The following HHAT variants were observed in gnomAD, a reference collection of about 807,000 sequenced individuals.
HHAT encodes hedgehog acyltransferase.
HHAT carries 47 observed loss-of-function variants against 70.8 expected under a neutral mutation model. The observed-to-expected ratio is 0.66, with a 90% confidence interval of 0.53 to 0.85. HHAT has a LOEUF of 0.85. Among genes scored for constraint, HHAT ranks in the 40% least tolerant of loss-of-function variants. The probability of loss-of-function intolerance (pLI) is 0.00; values close to 1 mark genes in which losing one functional copy is unlikely to be tolerated. For missense variants in HHAT, 609 were observed against 604.8 expected (o/e 1.01, Z -0.07); for synonymous variants, 228 against 247.6 (o/e 0.92, Z 0.74).
intron 8 of HHAT, among the ~76,000 whole-genome samples, chr1:210,504,851 A>T (rs1203342300): frequency 6.6e-6 from 1 of 151,710 alleles, no homozygotes; most frequent in Non-Finnish European, 1.5e-5. Context: ...CTAAGTGTCT[A>T]AGTTTATTTT....
chr1:210,541,725 TCAAAAAACAAA>T (rs1343505708), intron 9 of HHAT, among the ~76,000 whole-genome samples: 3 of 152,050 alleles, frequency 2.0e-5, no homozygotes, highest in Non-Finnish European at 2.9e-5. Flanking sequence ...AGACTCCATC[TCAAAAAACAAA>T]CAAAAAACAA....
chr1:210,665,415 A>C (rs1487448468), intron 11 of HHAT, among the ~76,000 whole-genome samples: 1 of 152,156 alleles, frequency 6.6e-6, no homozygotes, highest in African/African-American at 2.4e-5. Context: ...CTGGGGGGAC[A>C]TTACTCTATG....
intron 9 of HHAT, among the ~76,000 whole-genome samples, chr1:210,543,924 C>T (rs1314707116): frequency 6.6e-6 from 1 of 152,148 alleles, no homozygotes; most frequent in Non-Finnish European, 1.5e-5. Context: ...TCACTGTCTC[C>T]ACCTTCCACA....
intron 1 of HHAT, among the ~76,000 whole-genome samples, chr1:210,339,518 G>T (rs1264404999): frequency 6.6e-6 from 1 of 152,166 alleles, no homozygotes; most frequent in Admixed American, 6.5e-5. Context: ...AAGGGATGTT[G>T]CACCTCTTGC....
chr1:210,517,328 T>C (rs949472966), intron 9 of HHAT, among the ~76,000 whole-genome samples: 1 of 152,204 alleles, frequency 6.6e-6, no homozygotes, highest in African/African-American at 2.4e-5. Context: ...GGTTTTGCCA[T>C]GTTTCCCAGA....
intron 2 of HHAT, among the ~76,000 whole-genome samples, chr1:210,356,042 A>T (rs963271493): frequency 3.3e-5 from 5 of 151,668 alleles, no homozygotes; most frequent in African/African-American, 1.2e-4. Context: ...TCGGCCTCCT[A>T]AGTAGCTAGG....
intron 9 of HHAT, among the ~76,000 whole-genome samples, chr1:210,574,966 G>T (rs1371703880): frequency 6.6e-6 from 1 of 152,228 alleles, no homozygotes; most frequent in Non-Finnish European, 1.5e-5. Context: ...TAGGATGTGA[G>T]TGAGAGGCAG....
chr1:210,450,680 TTAAA>T (rs1488368676), intron 7 of HHAT, among the ~76,000 whole-genome samples: 1 of 151,524 alleles, frequency 6.6e-6, no homozygotes, highest in East Asian at 1.9e-4. Flanking sequence ...AATCTACATA[TTAAA>T]TAAATATATA....
At chr1:210,498,055 A>G (rs777890610) in intron 8 of HHAT, among the ~76,000 whole-genome samples, 9 of 152,200 alleles carry the variant, frequency 5.9e-5, no homozygotes, top group Non-Finnish European at 1.3e-4. Context: ...GAGCCCGGCC[A>G]TAATTTTTTA....
At chr1:210,582,515 G>A (rs1354996795) in intron 9 of HHAT, among the ~76,000 whole-genome samples, 1 of 152,142 alleles carries the variant, frequency 6.6e-6, no homozygotes, top group East Asian at 1.9e-4. Flanking sequence ...AGGAGCTATT[G>A]TATAGGTCCT....
intron 7 of HHAT, among the ~76,000 whole-genome samples, chr1:210,463,366 A>G (rs535250426): frequency 2.0e-4 from 30 of 152,214 alleles, no homozygotes; most frequent in African/African-American, 7.2e-4. Context: ...GTCTCTATAG[A>G]TTTCCCTATT....
chr1:210,329,350 C>T, intron 1 of HHAT: 1 of 1,195,368 alleles, frequency 8.4e-7, no homozygotes, highest in Non-Finnish European at 1.0e-6. Context: ...AGTCCGCGCA[C>T]GGCCCTGCCC....
intron 8 of HHAT, among the ~76,000 whole-genome samples, chr1:210,481,446 C>A (rs60651679): frequency 0.26 from 40,026 of 152,168 alleles, 6,897 homozygotes; most frequent in African/African-American, 0.49. Flanking sequence ...TCACAGCCTT[C>A]CAGTACTTAG....
In HHAT at chr1:210,643,043, C is replaced by A. The variant is rs1375353108; in HGVS notation, c.1390+19373C>A. On this transcript the variant is annotated intron_variant, in intron 11 of 11. Transcript: ENST00000261458. Reference sequence around the variant, plus strand: ...TTTGTGTATAATGTGCGATAAGGATCAATTTTTTTTGGTCTGTTTGGATAT... The same window carrying A: ...TTTGTGTATAATGTGCGATAAGGATAAATTTTTTTTGGTCTGTTTGGATAT... Among the ~76,000 whole-genome samples the A allele has an allele frequency of 2.6e-5, 4 of 152,090 alleles. No homozygotes were observed. The East Asian group carries it at 7.7e-4, about 29-fold the overall frequency.
chr1:210,564,240 G>A (rs1051343903), intron 9 of HHAT, among the ~76,000 whole-genome samples: 5 of 152,010 alleles, frequency 3.3e-5, no homozygotes, highest in African/African-American at 1.2e-4. Context: ...TGGGATTACA[G>A]GCATGAGCCA....
At chr1:210,387,251 G>C (rs916874484) in intron 3 of HHAT, among the ~76,000 whole-genome samples, 1 of 152,206 alleles carries the variant, frequency 6.6e-6, no homozygotes, top group African/African-American at 2.4e-5. Context: ...AATCATTCCG[G>C]TTAGGTTGGT....
At chr1:210,429,054 C>T (rs1237393458) in intron 7 of HHAT, among the ~76,000 whole-genome samples, 1 of 151,808 alleles carries the variant, frequency 6.6e-6, no homozygotes, top group African/African-American at 2.4e-5. Flanking sequence ...TTATTTTTAG[C>T]TACAATACCT....
At chr1:210,433,474 T>C (rs2093303414) in intron 7 of HHAT, among the ~76,000 whole-genome samples, 1 of 151,150 alleles carries the variant, frequency 6.6e-6, no homozygotes, top group Admixed American at 6.6e-5. Flanking sequence ...TAAATAGAGG[T>C]TGTTTCTCGT....
intron 7 of HHAT, among the ~76,000 whole-genome samples, chr1:210,428,654 C>T (rs1203254689): frequency 6.6e-6 from 1 of 151,544 alleles, no homozygotes; most frequent in Non-Finnish European, 1.5e-5. Flanking sequence ...TTTATCCCTT[C>T]TGTTTCTTAT....
Sources: gnomAD v4.1 joint callset for allele counts (sites outside exome capture counted in the v4.1 genomes callset) on GRCh38, gnomAD v4.1.1 for gene constraint, MANE v1.5 for transcripts, NCBI Gene and HGNC (gene_info 2026-07-23, HGNC 2026-07-21) for gene names.